The following RABGAP1L variants were observed in gnomAD, a reference collection of about 807,000 sequenced individuals.
RABGAP1L encodes rab GTPase-activating protein 1-like.
RABGAP1L carries 63 observed loss-of-function variants against 137.7 expected under a neutral mutation model. The ratio of observed to expected loss-of-function variants is 0.46; its 90% CI spans 0.37 to 0.56. The LOEUF is 0.56. RABGAP1L is among the 20% of genes least tolerant of loss of function. The probability of loss-of-function intolerance (pLI) is 0.00; values close to 1 mark genes in which losing one functional copy is unlikely to be tolerated. For synonymous variants in RABGAP1L, 431 were observed against 433.7 expected (o/e 0.99, Z 0.08); for missense variants, 1,095 against 1,244.0 (o/e 0.88, Z 1.80).
intron 13 of RABGAP1L, among the ~76,000 whole-genome samples, chr1:174,499,420 T>G (rs1661058096): frequency 6.6e-6 from 1 of 152,084 alleles, no homozygotes; most frequent in Admixed American, 6.6e-5. Context: ...TAACAAAATG[T>G]GGATTATTGT....
chr1:174,488,658 C>T (rs1659910520), intron 13 of RABGAP1L, among the ~76,000 whole-genome samples: 1 of 151,950 alleles, frequency 6.6e-6, no homozygotes, highest in Non-Finnish European at 1.5e-5. Context: ...AGGCCAATAA[C>T]TCTTAGCTTT....
intron 19 of RABGAP1L, among the ~76,000 whole-genome samples, chr1:174,853,120 G>A (rs530048914): frequency 6.6e-6 from 1 of 151,808 alleles, no homozygotes; most frequent in Admixed American, 6.6e-5. Context: ...AATGCTCTGT[G>A]CCAAAACACA....
chr1:174,805,371 A>G (rs1689185919), intron 18 of RABGAP1L, among the ~76,000 whole-genome samples: 1 of 152,256 alleles, frequency 6.6e-6, no homozygotes, highest in Non-Finnish European at 1.5e-5. Flanking sequence ...GAAAGAAGTA[A>G]TGTCACCTTT....
chr1:174,683,647 A>G, intron 15 of RABGAP1L, 51 bp downstream of exon 15: 1 of 1,379,072 alleles, frequency 7.3e-7, no homozygotes, highest in Non-Finnish European at 1.0e-6. Flanking sequence ...AGTTTATTTT[A>G]CTTTCTACTG....
chr1:174,347,980 T>C (rs1266323113), intron 11 of RABGAP1L, among the ~76,000 whole-genome samples: 3 of 152,158 alleles, frequency 2.0e-5, no homozygotes, highest in East Asian at 1.9e-4. Context: ...TGTGTTTTTA[T>C]TGGAGAGTTT....
intron 11 of RABGAP1L, among the ~76,000 whole-genome samples, chr1:174,327,250 T>C (rs1473633206): frequency 6.6e-6 from 1 of 152,036 alleles, no homozygotes; most frequent in Non-Finnish European, 1.5e-5. Context: ...AAAACAAAAA[T>C]AATAGCAACT....
intron 11 of RABGAP1L, among the ~76,000 whole-genome samples, chr1:174,343,284 T>C (rs1198082208): frequency 6.6e-6 from 1 of 152,194 alleles, no homozygotes; most frequent in Non-Finnish European, 1.5e-5. Flanking sequence ...AAATAGTATG[T>C]ACTCTGAAAC....
At chr1:174,930,214 A>G (rs908684918) in intron 19 of RABGAP1L, among the ~76,000 whole-genome samples, 5 of 150,984 alleles carry the variant, frequency 3.3e-5, no homozygotes, top group African/African-American at 1.2e-4. Flanking sequence ...TGAGATGGGG[A>G]CTCAGTTTGT....
At chr1:174,576,091 G>A (rs563859840) in intron 13 of RABGAP1L, among the ~76,000 whole-genome samples, 14 of 152,242 alleles carry the variant, frequency 9.2e-5, no homozygotes, top group South Asian at 2.1e-4. Flanking sequence ...CAGTCTTTCC[G>A]TAACCTATGA....
At chr1:174,647,158 G>A (rs1049260731) in intron 14 of RABGAP1L, among the ~76,000 whole-genome samples, 5 of 152,134 alleles carry the variant, frequency 3.3e-5, no homozygotes, top group Non-Finnish European at 7.3e-5. Flanking sequence ...TGCAAACAGA[G>A]AAAATTTGAC....
Position 174,735,197 on chromosome 1 carries a change from G to A in RABGAP1L, c.2170-17116G>A, listed in dbSNP as rs531885528. Among the ~76,000 whole-genome samples the A allele has an allele frequency of 4.6e-5, 7 of 151,726 alleles. No individual in the cohort carries two copies. In the East Asian group the frequency reaches 1.2e-3, roughly 25 times the overall value. On this transcript the variant is annotated intron_variant, in intron 17 of 25. Transcript: ENST00000681986. ...TTGCCATCTTGCCCAGACTGGTCTC[G>A]AAATCTGAGTTCAATCAGTCCTTCT...
At chr1:174,511,867 C>T (rs568186951) in intron 13 of RABGAP1L, among the ~76,000 whole-genome samples, 1 of 152,266 alleles carries the variant, frequency 6.6e-6, no homozygotes, top group African/African-American at 2.4e-5. Flanking sequence ...GATCCACCCA[C>T]CTCGGCCTCC....
chr1:174,301,379 C>T (rs988900816), intron 10 of RABGAP1L, among the ~76,000 whole-genome samples: 14 of 148,756 alleles, frequency 9.4e-5, no homozygotes, highest in Admixed American at 2.7e-4. Context: ...GAATGGATGG[C>T]GGTGTGTTAA....
intron 18 of RABGAP1L, among the ~76,000 whole-genome samples, chr1:174,768,105 C>A (rs1009359971): frequency 1.4e-4 from 22 of 152,312 alleles, no homozygotes; most frequent in African/African-American, 4.8e-4. Context: ...CAAATTGTAT[C>A]AGTCATCTTG....
At chr1:174,520,353 G>A (rs901621906) in intron 13 of RABGAP1L, among the ~76,000 whole-genome samples, 1 of 152,236 alleles carries the variant, frequency 6.6e-6, no homozygotes, top group Non-Finnish European at 1.5e-5. Context: ...CTTCACAGCA[G>A]AACTTGAGGA....
chr1:174,819,110 G>T (rs967057140), intron 19 of RABGAP1L, among the ~76,000 whole-genome samples: 2 of 149,728 alleles, frequency 1.3e-5, no homozygotes, highest in Non-Finnish European at 3.0e-5. Flanking sequence ...TTGAGCCCAG[G>T]AGTTGGAGGC....
At chr1:174,284,013 G>C (rs1236324099) in intron 10 of RABGAP1L, among the ~76,000 whole-genome samples, 1 of 152,046 alleles carries the variant, frequency 6.6e-6, no homozygotes, top group Admixed American at 6.6e-5. Flanking sequence ...ATAGACTTAA[G>C]GTGTACAATG....
chr1:174,323,721 T>C lies in RABGAP1L; in HGVS notation c.1465+18594T>C, dbSNP rs537700355. ...GATTATTTTAAATTATGTCATCCAG[T>C]AGCCACATATACTTCTTTAAAGGAT... On this transcript the variant is annotated intron_variant, in intron 11 of 25. Transcript: ENST00000681986. Among the ~76,000 whole-genome samples, 21 of 152,244 alleles carry C rather than the reference T, an allele frequency of 1.4e-4. No individual in the cohort carries two copies. The South Asian group carries it at 4.4e-3, about 32-fold the overall frequency.
intron 5 of RABGAP1L, chr1:174,244,781 T>C (rs558843673): frequency 6.6e-6 from 1 of 152,360 alleles, no homozygotes; most frequent in Non-Finnish European, 1.5e-5. Flanking sequence ...CAAAAGATAC[T>C]TTTAAAGTGT....
Sources: allele counts gnomAD v4.1 joint callset (sites outside exome capture counted in the v4.1 genomes callset), GRCh38; gene constraint gnomAD v4.1.1; transcripts MANE v1.5; gene names NCBI Gene and HGNC (gene_info 2026-07-23, HGNC 2026-07-21).